ZNF395: variants seen among roughly 807,000 people sequenced by gnomAD.
ZNF395 encodes the protein HD gene regulatory region-binding protein 2.
A neutral mutation model predicts 57.7 loss-of-function variants in ZNF395; 20 were observed. The observed-to-expected ratio is 0.35, with a 90% CI of 0.24 to 0.50. ZNF395 has a LOEUF of 0.50. ZNF395 is among the 20% of genes least tolerant of loss of function. The pLI, the probability that ZNF395 is intolerant of heterozygous loss-of-function variation, is 0.97. For synonymous variants in ZNF395, 295 were observed against 275.9 expected (o/e 1.07, Z -0.69); for missense variants, 606 against 671.2 (o/e 0.90, Z 1.07).
intron 1 of ZNF395, among the ~76,000 whole-genome samples, chr8:28,369,227 G>A (rs544785067): frequency 5.8e-4 from 87 of 150,140 alleles, no homozygotes; most frequent in Non-Finnish European, 9.7e-4. Context: ...CACATTCCCT[G>A]ACAATGCCAA....
chr8:28,371,218 C>T (rs953125146), intron 1 of ZNF395, among the ~76,000 whole-genome samples: 4 of 152,186 alleles, frequency 2.6e-5, no homozygotes, highest in African/African-American at 9.7e-5. Context: ...TCTCCCTCTG[C>T]CACCCAGGCT....
intron 1 of ZNF395, among the ~76,000 whole-genome samples, chr8:28,380,820 TCA>T (rs142950803): frequency 6.6e-6 from 1 of 152,350 alleles, no homozygotes; most frequent in African/African-American, 2.4e-5. Context: ...AAAATGCACT[TCA>T]GTTTCATTTT....
chr8:28,350,170 G>C lies in ZNF395; in HGVS notation c.1234-14C>G, dbSNP rs769872854. 6.3e-7 allele frequency: 1 copy of C among 1,593,328 alleles called. No homozygotes were observed. Among genetic ancestry groups the C allele is most frequent in the Admixed American group, 1.8e-5 (1 of 56,480 alleles). ...GGATGGCAGAGCCTGCGGAAGACGA[G>C]GGTGTCAGCCCGGATTCTAGCTCAG... On this transcript the variant is annotated splice_polypyrimidine_tract_variant and intron_variant, in intron 7 of 9. Transcript: ENST00000344423.
chr8:28,349,985 A>G, intron 8 of ZNF395, 79 bp downstream of exon 8: 1 of 1,345,728 alleles, frequency 7.4e-7, no homozygotes, highest in East Asian at 2.6e-5. Flanking sequence ...CCCGTGCCCA[A>G]GGGATGGCCT....
chr8:28,359,860 T>C lies in ZNF395; in HGVS notation c.241-36A>G. Reference sequence around the variant, plus strand: ...AGGGACAGCAGTTAGTGGTCAGCCCTGGATGGGTCTCGCCCTGAAGTTCTC... The same window carrying C: ...AGGGACAGCAGTTAGTGGTCAGCCCCGGATGGGTCTCGCCCTGAAGTTCTC... On this transcript the variant is annotated intron_variant, in intron 2 of 9. Coordinates refer to ENST00000344423, the MANE Select transcript of ZNF395 (RefSeq NM_018660.3). This position sits in a 1 kb window ranked among gnomAD's most constrained non-coding sequence, Gnocchi z 4.7. 1 of 1,595,836 alleles carries C rather than the reference T, an allele frequency of 6.3e-7. No individual in the cohort carries two copies. The highest frequency in any genetic ancestry group is 2.3e-5 in the East Asian group (1 of 44,426).
intron 1 of ZNF395, 37 bp downstream of exon 1, chr8:28,386,356 C>T (rs1403435365): frequency 6.7e-6 from 1 of 148,424 alleles, no homozygotes; most frequent in Non-Finnish European, 1.5e-5. Context: ...GCCCCCGCAC[C>T]CGCCCAGCAC....
Position 28,356,565 on chromosome 8 carries a change from T to G in ZNF395, c.583+105A>C, listed in dbSNP as rs1801781638. On this transcript the variant is annotated intron_variant, in intron 4 of 9. Transcript: ENST00000344423. This position sits in a 1 kb window ranked among gnomAD's most constrained non-coding sequence, Gnocchi z 4.0. The stretch of plus-strand genomic sequence containing the variant: ...TGCCAGTGGGAGGTGTCCCTGGACA[T>G]TCTATTGCCAGGCTGGTGACATAGG... The G allele has an allele frequency of 5.2e-6, 4 of 763,208 alleles. No individual in the cohort carries two copies. In the Admixed American group the frequency reaches 8.2e-5, roughly 16 times the overall value. The allele number at this position is 763,208 out of a possible 1,614,324, so 47.3% of individuals were successfully genotyped here.
At chr8:28,351,935 C>T in intron 6 of ZNF395, 128 bp from the exon 7 acceptor site, 1 of 1,066,872 alleles carries the variant, frequency 9.4e-7, no homozygotes, top group Non-Finnish European at 1.3e-6. Context: ...CCCAAGAGAA[C>T]ACCCAGGTGC....
At position 28,348,701 on chromosome 8, in the gene ZNF395, T is replaced by C. The variant is rs773982766; in HGVS notation, c.*18A>G. 2 of 1,610,008 alleles carry C rather than the reference T, an allele frequency of 1.2e-6. No individual in the cohort carries two copies. The highest frequency in any genetic ancestry group is 1.1e-5 in the South Asian group (1 of 90,998). Reference sequence around the variant, plus strand: ...GCTGCCGGCAGGGCCAGGAACAGAGTAGAACCTGCAGCACAGCTCAGTCCA... The same window carrying C: ...GCTGCCGGCAGGGCCAGGAACAGAGCAGAACCTGCAGCACAGCTCAGTCCA... On this transcript the variant is annotated 3_prime_UTR_variant, in exon 10 of 10. Transcript: ENST00000344423.
chr8:28,358,769 T>C (rs1014993234), intron 3 of ZNF395, among the ~76,000 whole-genome samples: 1 of 152,168 alleles, frequency 6.6e-6, no homozygotes, highest in Admixed American at 6.5e-5. Context: ...TCTTGACATG[T>C]GACACATGGA....
At position 28,352,921 on chromosome 8, in the gene ZNF395, C is replaced by T. The variant is rs62502407; in HGVS notation, c.820-248G>A. On this transcript the variant is annotated intron_variant, in intron 5 of 9. Coordinates refer to ENST00000344423, the MANE Select transcript of ZNF395 (RefSeq NM_018660.3). The surrounding 1 kb of genome is among the most constrained non-coding windows in gnomAD (Gnocchi z 4.0). ...AAGACCCTACTGGAGGCCTCTCCCA[C>T]GCAGACCTCTGCAGAAACACAGGAA... 1.1e-4 allele frequency among the ~76,000 whole-genome samples: 16 copies of T among 152,200 alleles called. No individual in the cohort carries two copies. Among genetic ancestry groups the T allele is most frequent in the South Asian group, 4.1e-4 (2 of 4,834 alleles).
intron 1 of ZNF395, among the ~76,000 whole-genome samples, chr8:28,369,525 C>T (rs1378225111): frequency 6.6e-6 from 1 of 152,220 alleles, no homozygotes; most frequent in Non-Finnish European, 1.5e-5. Context: ...AACACTAAGT[C>T]AGACTGCTCT....
chr8:28,350,912 G>C (rs1383800414), intron 7 of ZNF395, among the ~76,000 whole-genome samples: 3 of 152,132 alleles, frequency 2.0e-5, no homozygotes, highest in Non-Finnish European at 4.4e-5. Flanking sequence ...CATCCACAAG[G>C]GCAAAATAGG....
chr8:28,381,573 GCT>G (rs142706834), intron 1 of ZNF395, among the ~76,000 whole-genome samples: 3,105 of 152,296 alleles, frequency 0.02, 109 homozygotes, highest in African/African-American at 0.07. Context: ...TCTGGGACGA[GCT>G]CTTAGTCTTG....
chr8:28,365,122 C>G (rs1233643687), intron 1 of ZNF395, among the ~76,000 whole-genome samples: 1 of 152,218 alleles, frequency 6.6e-6, no homozygotes, highest in Non-Finnish European at 1.5e-5. Context: ...GCAGCATCAC[C>G]AGGCATCACT....
rs928954498 is a variant in ZNF395 at position 28,356,270 on chromosome 8, G to A, written c.583+400C>T. On this transcript the variant is annotated intron_variant, in intron 4 of 9. Transcript: ENST00000344423. This position sits in a 1 kb window ranked among gnomAD's most constrained non-coding sequence, Gnocchi z 4.0. ...ATTTATGAGGCTGAATTAGGCACGTGGAATGAGGGCATGAATTTTCTGAGG... is the reference window on the plus strand; with the variant it reads ...ATTTATGAGGCTGAATTAGGCACGTAGAATGAGGGCATGAATTTTCTGAGG... Among the ~76,000 whole-genome samples, 3 of 152,202 alleles carry A rather than the reference G, an allele frequency of 2.0e-5. No individual in the cohort carries two copies. The highest frequency in any genetic ancestry group is 7.2e-5 in the African/African-American group (3 of 41,444).
At chr8:28,354,453 A>AG (rs1421839618) in intron 4 of ZNF395, among the ~76,000 whole-genome samples, 1 of 152,184 alleles carries the variant, frequency 6.6e-6, no homozygotes, top group African/African-American at 2.4e-5. Flanking sequence ...AAGGTCTACT[A>AG]GCACATCCCT....
rs1387730817 is a variant in ZNF395, at chr8:28,361,182, C to G, written c.-58G>C. On this transcript the variant is annotated splice_region_variant and 5_prime_UTR_variant, in exon 2 of 10. Transcript: ENST00000344423. The stretch of plus-strand genomic sequence containing the variant: ...GGGACACTGAAGCCTCTGCCCATCA[C>G]CTGGGGGAATCAGGAAGCTTTCAGG... The G allele has an allele frequency of 6.2e-7, 1 of 1,603,970 alleles. No individual in the cohort carries two copies. The highest frequency in any genetic ancestry group is 1.3e-5 in the African/African-American group (1 of 75,006).
In ZNF395 at chr8:28,349,155, G is replaced by C; in HGVS notation, c.1400C>G (p.Thr467Ser). The C allele has an allele frequency of 6.4e-7, 1 of 1,567,442 alleles. No individual in the cohort carries two copies. The highest frequency in any genetic ancestry group is 8.6e-7 in the Non-Finnish European group (1 of 1,158,322). Residue 467 changes from threonine (T) to serine (S), a missense_variant, in exon 9 of 10, where the codon ACT becomes AGT. By Grantham distance (58) the Thr-to-Ser change is moderately conservative. Transcript: ENST00000344423. ...ACCACTCTGGGCCCGGGGTGGAGAA[G>C]TGACGATCAGATGAGATTTCATCGC... ...APAMKSHLIV[T>S]SPPRAQSGAR...
Sources: gnomAD v4.1 joint callset for allele counts (sites outside exome capture counted in the v4.1 genomes callset) on GRCh38, gnomAD v4.1.1 for gene constraint, Gnocchi (gnomAD v3.1) non-coding constraint, MANE v1.5 for transcripts, NCBI Gene and HGNC (gene_info 2026-07-23, HGNC 2026-07-21) for gene names.